Variants in SAMD8 observed in about 807,000 individuals in gnomAD.
SAMD8 encodes the protein sphingomyelin synthase-related protein 1.
In SAMD8, 20 loss-of-function variants were observed where a neutral mutation model predicts 42.0. That is an observed-to-expected ratio of 0.48 (90% CI 0.34 to 0.69). SAMD8 has a LOEUF of 0.69. Among genes scored for constraint, SAMD8 ranks in the 30% least tolerant of loss-of-function variants. The pLI, the probability that SAMD8 is intolerant of heterozygous loss-of-function variation, is 0.01. For missense variants in SAMD8, 328 were observed against 511.6 expected (o/e 0.64, Z 3.46); for synonymous variants, 162 against 173.0 (o/e 0.94, Z 0.50).
At chr10:75,148,185 T>C (rs960220910) in intron 1 of SAMD8, among the ~76,000 whole-genome samples, 1 of 152,126 alleles carries the variant, frequency 6.6e-6, no homozygotes, top group African/African-American at 2.4e-5. Context: ...TTCCCTGACA[T>C]TCATCTGTGG....
rs976782593 is a variant in SAMD8 at position 75,123,229 on chromosome 10, C to A, written c.-16+11507C>A. 1.0e-4 allele frequency among the ~76,000 whole-genome samples: 13 copies of A among 127,738 alleles called. No homozygotes were observed. In the East Asian group the frequency reaches 3.5e-3, roughly 34 times the overall value. The allele number at this position is 127,738 out of a possible 152,430, so 83.8% of individuals were successfully genotyped here. On this transcript the variant is annotated intron_variant, in intron 1 of 5. Coordinates refer to ENST00000542569, the MANE Select transcript of SAMD8 (RefSeq NM_001174156.2). ...ACCCCACCCTGTGCAGGGGGTTGGG[C>A]GGGTAAAGGAGATGAGGGTTGTGGG...
intron 1 of SAMD8, among the ~76,000 whole-genome samples, chr10:75,100,521 C>T (rs889144822): frequency 6.6e-5 from 10 of 152,156 alleles, no homozygotes; most frequent in African/African-American, 2.2e-4. Context: ...ACTTGGTCTT[C>T]GGAGGGCCCT....
At position 75,176,762 on chromosome 10, in the gene SAMD8, C is replaced by T. The variant is rs1439850864; in HGVS notation, c.*70C>T. 2 of 1,204,226 alleles carry T rather than the reference C, an allele frequency of 1.7e-6. No individual in the cohort carries two copies. Among genetic ancestry groups the T allele is most frequent in the Non-Finnish European group, 2.3e-6 (2 of 878,674 alleles). The allele number at this position is 1,204,226 out of a possible 1,614,324, so 74.6% of individuals were successfully genotyped here. Reference sequence around the variant, plus strand: ...TTGAAAATGAGTAACTTTGCGTTCTCCCCCTAGGTTGTTCTTAGATGCCTG... The same window carrying T: ...TTGAAAATGAGTAACTTTGCGTTCTTCCCCTAGGTTGTTCTTAGATGCCTG... On this transcript the variant is annotated 3_prime_UTR_variant, in exon 6 of 6. Coordinates refer to ENST00000542569, the MANE Select transcript of SAMD8 (RefSeq NM_001174156.2). The surrounding 1 kb of genome is among the most constrained non-coding windows in gnomAD (Gnocchi z 4.3).
intron 1 of SAMD8, among the ~76,000 whole-genome samples, chr10:75,129,518 G>T (rs1326854432): frequency 2.6e-5 from 4 of 152,178 alleles, no homozygotes; most frequent in African/African-American, 9.7e-5. Flanking sequence ...AATTACAGGT[G>T]TGAGCCACCG....
In SAMD8 at chr10:75,157,234, GGAGA is replaced by G. The variant is rs139540562; in HGVS notation, c.578+6147_578+6150del. Among the ~76,000 whole-genome samples the G allele has an allele frequency of 9.7e-4, 144 of 148,326 alleles. 2 individuals are homozygous for G. In the East Asian group the frequency reaches 0.013, roughly 13 times the overall value. ...GAATTAGGCAAAGAAATGATGAGGG[GGAGA>G]GAGAGAGAGAGAGAGAGAATAGGAA... On this transcript the variant is annotated intron_variant, in intron 2 of 5. Coordinates refer to ENST00000542569, the MANE Select transcript of SAMD8 (RefSeq NM_001174156.2).
At chr10:75,176,000 A>G (rs962544778) in intron 4 of SAMD8, 66 bp from the exon 5 acceptor site, 21 of 1,556,890 alleles carry the variant, frequency 1.3e-5, no homozygotes, top group Admixed American at 2.0e-5. Flanking sequence ...TTCAATAGGA[A>G]TGGATGTTGG....
intron 2 of SAMD8, among the ~76,000 whole-genome samples, chr10:75,160,496 A>G (rs1392361671): frequency 4.6e-5 from 7 of 152,028 alleles, no homozygotes; most frequent in Non-Finnish European, 8.8e-5. Context: ...GTGAGCCACC[A>G]TGCCCAGCCA....
chr10:75,108,203 C>G (rs374369575), upstream of SAMD8: 34 of 1,601,936 alleles, frequency 2.1e-5, no homozygotes, highest in South Asian at 7.8e-5. Flanking sequence ...GGTTGTTTGC[C>G]GTGGCCCTGG....
chr10:75,129,053 C>T (rs892620887), intron 1 of SAMD8, among the ~76,000 whole-genome samples: 1 of 152,000 alleles, frequency 6.6e-6, no homozygotes, highest in Non-Finnish European at 1.5e-5. Flanking sequence ...AAAACCATCT[C>T]AACTGGATCT....
intron 1 of SAMD8, among the ~76,000 whole-genome samples, chr10:75,136,806 G>A (rs1839896423): frequency 6.6e-6 from 1 of 152,142 alleles, no homozygotes; most frequent in African/African-American, 2.4e-5. Flanking sequence ...CAAAGGTCTA[G>A]TAAGCATATG....
chr10:75,170,496 C>T (rs1190628658), intron 4 of SAMD8, among the ~76,000 whole-genome samples: 2 of 152,062 alleles, frequency 1.3e-5, no homozygotes, highest in Non-Finnish European at 1.5e-5. Flanking sequence ...TGATATGACA[C>T]AGGATTTCAT....
intron 2 of SAMD8, chr10:75,164,431 A>G: frequency 1.2e-6 from 1 of 803,658 alleles, no homozygotes; most frequent in Non-Finnish European, 1.5e-6. Flanking sequence ...GAGAACCCTA[A>G]CTGGGAATCA....
chr10:75,108,922 G>A, upstream of SAMD8: 1 of 1,495,400 alleles, frequency 6.7e-7, no homozygotes, highest in Non-Finnish European at 9.0e-7. Context: ...ATTTCTCCTT[G>A]TTTCCACCCT....
chr10:75,147,987 A>T (rs1840183100), intron 1 of SAMD8, among the ~76,000 whole-genome samples: 1 of 152,208 alleles, frequency 6.6e-6, no homozygotes, highest in South Asian at 2.1e-4. Flanking sequence ...ATAATGCATA[A>T]GAATTAGACA....
intron 1 of SAMD8, among the ~76,000 whole-genome samples, chr10:75,145,436 T>C (rs1423686080): frequency 6.6e-6 from 1 of 152,238 alleles, no homozygotes; most frequent in African/African-American, 2.4e-5. Context: ...CCAGACATTA[T>C]GAATTAGTTG....
intron 2 of SAMD8, among the ~76,000 whole-genome samples, chr10:75,155,104 C>T (rs190018859): frequency 1.3e-5 from 2 of 152,196 alleles, no homozygotes; most frequent in Admixed American, 1.3e-4. Context: ...GTTGCCTAGG[C>T]TGGTCTCAAA....
At chr10:75,150,279 ATT>A (rs34826271) in intron 1 of SAMD8, 1,631 of 134,048 alleles carry the variant, frequency 0.012, 1 homozygote, top group Middle Eastern at 0.037. Flanking sequence ...CCAGGCTAAA[ATT>A]TTTTTTTTTT....
intron 1 of SAMD8, among the ~76,000 whole-genome samples, chr10:75,149,323 T>C (rs950595486): frequency 2.0e-5 from 3 of 152,220 alleles, no homozygotes; most frequent in Non-Finnish European, 4.4e-5. Context: ...TAAAAATTAT[T>C]GGTACTTTTT....
At chr10:75,132,950 C>T (rs1344495863) in intron 1 of SAMD8, among the ~76,000 whole-genome samples, 1 of 152,182 alleles carries the variant, frequency 6.6e-6, no homozygotes, top group Non-Finnish European at 1.5e-5. Context: ...GATCACACTA[C>T]TGCACTCCAG....
Sources: gnomAD v4.1 joint callset for allele counts (sites outside exome capture counted in the v4.1 genomes callset) on GRCh38, gnomAD v4.1.1 for gene constraint, Gnocchi (gnomAD v3.1) non-coding constraint, MANE v1.5 for transcripts, NCBI Gene and HGNC (gene_info 2026-07-23, HGNC 2026-07-21) for gene names.